Variants in KALRN observed in about 807,000 individuals in gnomAD.
The protein encoded by KALRN is kalirin RhoGEF kinase, also known as kalirin.
A neutral mutation model predicts 353.7 loss-of-function variants in KALRN; 70 were observed. The ratio of observed to expected loss-of-function variants is 0.20; its 90% CI spans 0.16 to 0.24. The LOEUF (loss-of-function observed/expected upper bound fraction) is 0.24. KALRN is among the 10% of genes least tolerant of loss of function. The probability of loss-of-function intolerance (pLI) is 1.00; values close to 1 mark genes in which losing one functional copy is unlikely to be tolerated. For synonymous variants in KALRN, 1,391 were observed against 1,434.8 expected, an observed-to-expected ratio of 0.97 and a Z score of 0.69; for missense variants, 2,791 against 3,756.7, an observed-to-expected ratio of 0.74 and a Z score of 6.72.
intron 50 of KALRN, among the ~76,000 whole-genome samples, chr3:124,679,230 T>C (rs2087524676): frequency 6.6e-6 from 1 of 152,264 alleles, no homozygotes; most frequent in African/African-American, 2.4e-5. Flanking sequence ...CTTCCATTGC[T>C]GTTTCCCATG....
At chr3:124,691,359 C>T (rs1460927132) in intron 51 of KALRN, among the ~76,000 whole-genome samples, 5 of 152,054 alleles carry the variant, frequency 3.3e-5, no homozygotes, top group African/African-American at 9.7e-5. Context: ...ACCGGGGAGG[C>T]GGAATTTGCG....
chr3:124,229,662 T>A (rs1213445651), intron 2 of KALRN, among the ~76,000 whole-genome samples: 1 of 152,216 alleles, frequency 6.6e-6, no homozygotes, highest in African/African-American at 2.4e-5. Flanking sequence ...AGCAGTTGTC[T>A]CCCACCTCAT....
chr3:124,322,647 C>T (rs537827434), intron 6 of KALRN, among the ~76,000 whole-genome samples: 1 of 152,312 alleles, frequency 6.6e-6, no homozygotes, highest in East Asian at 1.9e-4. Context: ...AGAAGAACCA[C>T]ACAAATGGAT....
chr3:124,464,690 G>A (rs556417927), intron 25 of KALRN, among the ~76,000 whole-genome samples: 1 of 152,208 alleles, frequency 6.6e-6, no homozygotes, highest in African/African-American at 2.4e-5. Flanking sequence ...TCTTTTCATA[G>A]AAGCATCTTT....
intron 28 of KALRN, among the ~76,000 whole-genome samples, chr3:124,485,398 G>A (rs2062445061): frequency 6.6e-6 from 1 of 152,324 alleles, no homozygotes; most frequent in Middle Eastern, 3.4e-3. Context: ...ATGTGGCATA[G>A]ACAAGGGAGA....
chr3:124,565,414 T>C (rs746955937), intron 34 of KALRN, among the ~76,000 whole-genome samples: 4 of 152,000 alleles, frequency 2.6e-5, no homozygotes, highest in Non-Finnish European at 5.9e-5. Context: ...ACACAGAAGG[T>C]AGATTGTGAG....
At chr3:124,366,864 C>G (rs13100405) in intron 10 of KALRN, among the ~76,000 whole-genome samples, 2 of 126,424 alleles carry the variant, frequency 1.6e-5, no homozygotes, top group South Asian at 2.6e-4. Flanking sequence ...CCGGACGGGG[C>G]GGCTGGCCGG....
intron 48 of KALRN, among the ~76,000 whole-genome samples, chr3:124,673,910 G>A (rs919141334): frequency 4.6e-5 from 7 of 152,110 alleles, no homozygotes; most frequent in African/African-American, 1.4e-4. Context: ...TAAAGCCAGC[G>A]CACTTTCAAA....
At chr3:124,522,174 T>C (rs1204492724) in intron 33 of KALRN, among the ~76,000 whole-genome samples, 2 of 151,774 alleles carry the variant, frequency 1.3e-5, no homozygotes, top group African/African-American at 4.8e-5. Flanking sequence ...AATGTATGTA[T>C]ATACATACAT....
At chr3:124,096,123 A>G (rs912364895) in intron 1 of KALRN, 7 of 152,110 alleles carry the variant, frequency 4.6e-5, no homozygotes, top group African/African-American at 1.4e-4. Context: ...TGAAGATTAT[A>G]GACTGGGAGA....
intron 25 of KALRN, 134 bp downstream of exon 25, chr3:124,462,767 C>CT (rs760162558): frequency 8.4e-6 from 5 of 594,394 alleles, no homozygotes; most frequent in Non-Finnish European, 1.5e-5. Context: ...TGTCAGACTT[C>CT]TTTTTTACTC....
chr3:124,388,509 G>C (rs1225118089), intron 11 of KALRN, among the ~76,000 whole-genome samples: 1 of 152,098 alleles, frequency 6.6e-6, no homozygotes, highest in Non-Finnish European at 1.5e-5. Flanking sequence ...TACTGTGTCT[G>C]ATACACAGAG....
chr3:124,469,723 C>T (rs2060700266), intron 25 of KALRN, among the ~76,000 whole-genome samples: 1 of 152,182 alleles, frequency 6.6e-6, no homozygotes, highest in South Asian at 2.1e-4. Flanking sequence ...CCCGTTGCCA[C>T]AACAGGCCCC....
chr3:124,370,581 T>C lies in KALRN; in HGVS notation c.1771-14264T>C, dbSNP rs141055189. ...GCTTTTGCTTTGACAGGCTCCCACT[T>C]CCACCTCTTGGTAGCCATTGCTTTG... On this transcript the variant is annotated intron_variant, in intron 10 of 59. Transcript: ENST00000682506. Among the ~76,000 whole-genome samples the C allele has an allele frequency of 8.5e-5, 13 of 152,358 alleles. No homozygotes were observed. In the East Asian group the frequency reaches 2.5e-3, roughly 29 times the overall value.
In KALRN at chr3:124,398,842, C is replaced by A. The variant is rs2090493766; in HGVS notation, c.2317C>A (p.Leu773Met). 6.2e-7 allele frequency: 1 copy of A among 1,613,492 alleles called. No homozygotes were observed. Among genetic ancestry groups the A allele is most frequent in the Non-Finnish European group, 8.5e-7 (1 of 1,179,748 alleles). ...RKIKLDIFLQLRIFEQYTIEV... is the reference protein window; with the variant it reads ...RKIKLDIFLQMRIFEQYTIEV... ...GATCAAGCTGGACATCTTCCTGCAA[C>A]TGCGCATCTTTGAGCAGTACACCAT... The change falls in exon 13 of 60, where the codon CTG (leucine) becomes ATG (methionine). Residue 773 changes from leucine (L) to methionine (M), a missense_variant. Transcript: ENST00000682506.
chr3:124,140,798 G>T (rs1197997579), intron 1 of KALRN, among the ~76,000 whole-genome samples: 1 of 152,178 alleles, frequency 6.6e-6, no homozygotes, highest in Non-Finnish European at 1.5e-5. Flanking sequence ...CCCTCCCGGG[G>T]GGGGCACAGG....
At chr3:124,098,885 CA>C (rs1468039791) in intron 1 of KALRN, among the ~76,000 whole-genome samples, 1 of 152,164 alleles carries the variant, frequency 6.6e-6, no homozygotes, top group Non-Finnish European at 1.5e-5. Flanking sequence ...GACAGAAGTA[CA>C]AAAATTACTG....
At chr3:124,584,671 A>G (rs1229705964) in intron 34 of KALRN, 6 of 1,421,636 alleles carry the variant, frequency 4.2e-6, no homozygotes, top group Non-Finnish European at 4.6e-6. Context: ...GGCTCCCAGT[A>G]AGTCAGAGCT....
At chr3:124,285,888 T>C (rs575481831) in intron 5 of KALRN, among the ~76,000 whole-genome samples, 10 of 152,210 alleles carry the variant, frequency 6.6e-5, no homozygotes, top group African/African-American at 2.2e-4. Context: ...ACATTTCAAA[T>C]ATTCAAAAGG....
Sources: gnomAD v4.1 joint callset for allele counts (sites outside exome capture counted in the v4.1 genomes callset) on GRCh38, gnomAD v4.1.1 for gene constraint, MANE v1.5 for transcripts, NCBI Gene and HGNC (gene_info 2026-07-23, HGNC 2026-07-21) for gene names.